The following TAB1 variants were observed in gnomAD, a reference collection of about 807,000 sequenced individuals.
TAB1 encodes TGF-beta activated kinase 1 (MAP3K7) binding protein 1.
Under a neutral mutation model 54.5 loss-of-function variants are expected in TAB1, and 30 were observed. The ratio of observed to expected loss-of-function variants is 0.55; its 90% CI spans 0.41 to 0.75. The LOEUF (loss-of-function observed/expected upper bound fraction) is 0.75, where lower values mean the gene tolerates loss of function less well. Ranked by LOEUF, TAB1 falls within the 30% of genes least tolerant of loss-of-function variation. The pLI, the probability that TAB1 is intolerant of heterozygous loss-of-function variation, is 0.00. For synonymous variants in TAB1, 289 were observed against 286.9 expected (o/e 1.01, Z -0.07); for missense variants, 609 against 683.2 (o/e 0.89, Z 1.21).
rs1023477773 is a variant in TAB1, at chr22:39,399,833, A to C, written c.31A>C (p.Ser11Arg). 4 of 1,597,168 alleles carry C rather than the reference A, an allele frequency of 2.5e-6. No homozygotes were observed. The highest frequency in any genetic ancestry group is 2.7e-5 in the African/African-American group (2 of 74,708). Residue 11 changes from serine to arginine, a missense_variant and splice_region_variant, in exon 1 of 11, where the codon AGT becomes CGT. Ser to Arg is a moderately radical substitution (Grantham distance 110). Transcript: ENST00000216160. Reference protein sequence around the residue: MAAQRRSLLQSEQQPSWTDDL... With the variant: MAAQRRSLLQREQQPSWTDDL... ...GGCGCAGAGGAGGAGCTTGCTGCAG[A>C]GTGTGAGGAACAGGCCCGCTCTCTG...
At chr22:39,425,090 C>G (rs1227387756) in intron 8 of TAB1, among the ~76,000 whole-genome samples, 1 of 151,850 alleles carries the variant, frequency 6.6e-6, no homozygotes. Context: ...ACATGAGATT[C>G]GGCTGGGCGT....
chr22:39,428,180 C>T lies in TAB1; in HGVS notation c.1304C>T (p.Thr435Ile), dbSNP rs1469203428. Residue 435 changes from threonine to isoleucine, a missense_variant, in exon 10 of 11, where the codon ACC becomes ATC. Transcript: ENST00000216160. The part of the protein sequence containing the change: ...STLDEATPTL[T>I]NQSPTLTLQS... ...CTGGACGAAGCCACCCCCACCCTCA[C>T]CAAGTAAGTCCCTTCCCCACTGAGC... The T allele has an allele frequency of 6.3e-7, 1 of 1,597,004 alleles. No individual in the cohort carries two copies. The highest frequency in any genetic ancestry group is 8.6e-7 in the Non-Finnish European group (1 of 1,168,282).
intron 8 of TAB1, among the ~76,000 whole-genome samples, chr22:39,423,541 G>A (rs1927186361): frequency 6.6e-6 from 1 of 152,162 alleles, no homozygotes; most frequent in South Asian, 2.1e-4. Flanking sequence ...GGAGGTGGAG[G>A]TTGCAGTGAG....
chr22:39,410,193 C>T (rs1296695405), intron 1 of TAB1, among the ~76,000 whole-genome samples: 1 of 152,152 alleles, frequency 6.6e-6, no homozygotes, highest in Non-Finnish European at 1.5e-5. Context: ...CTGCAACCTC[C>T]ACCTCCTGCA....
At chr22:39,406,556 A>G (rs978222393) in intron 1 of TAB1, among the ~76,000 whole-genome samples, 1 of 152,184 alleles carries the variant, frequency 6.6e-6, no homozygotes, top group Admixed American at 6.5e-5. Context: ...AGAAAGGGAC[A>G]GGCTTTGCCT....
chr22:39,407,571 C>T (rs755454655), intron 1 of TAB1, among the ~76,000 whole-genome samples: 8 of 151,850 alleles, frequency 5.3e-5, no homozygotes, highest in Non-Finnish European at 8.8e-5. Flanking sequence ...GCACGCTCTG[C>T]CTCCCGGGTT....
chr22:39,429,968 C>T, intron 10 of TAB1, 47 bp from the exon 11 acceptor site: 1 of 1,607,268 alleles, frequency 6.2e-7, no homozygotes, highest in Non-Finnish European at 8.5e-7. Flanking sequence ...CCCCAGGCCC[C>T]TTGACCCGGC....
intron 9 of TAB1, 109 bp downstream of exon 9, chr22:39,427,034 G>C (rs1410758503): frequency 3.0e-6 from 3 of 1,002,306 alleles, no homozygotes; most frequent in Non-Finnish European, 4.3e-6. Context: ...AGGAGGCCTG[G>C]CTCTGAGTGG....
chr22:39,403,866 G>A (rs181770594), intron 1 of TAB1, among the ~76,000 whole-genome samples: 1 of 151,774 alleles, frequency 6.6e-6, no homozygotes, highest in Non-Finnish European at 1.5e-5. Context: ...GGATGGTCTC[G>A]ATCTCCTGAC....
intron 1 of TAB1, among the ~76,000 whole-genome samples, chr22:39,410,862 A>G (rs1405182130): frequency 6.6e-6 from 1 of 152,372 alleles, no homozygotes; most frequent in African/African-American, 2.4e-5. Context: ...TAAAATTTAT[A>G]TGAAAAGGCA....
chr22:39,409,120 A>G (rs1926502968), intron 1 of TAB1, among the ~76,000 whole-genome samples: 1 of 152,198 alleles, frequency 6.6e-6, no homozygotes, highest in Non-Finnish European at 1.5e-5. Context: ...GCTTTAAAAC[A>G]CCTGTGGCAC....
At chr22:39,403,410 G>A (rs1428695019) in intron 1 of TAB1, among the ~76,000 whole-genome samples, 1 of 152,228 alleles carries the variant, frequency 6.6e-6, no homozygotes, top group East Asian at 1.9e-4. Flanking sequence ...GGGAGCAGGA[G>A]ATGCAAAGGC....
At chr22:39,406,702 G>A (rs947979084) in intron 1 of TAB1, among the ~76,000 whole-genome samples, 1 of 151,616 alleles carries the variant, frequency 6.6e-6, no homozygotes, top group Non-Finnish European at 1.5e-5. Flanking sequence ...GCGCCATCTC[G>A]GCTCACTGCA....
chr22:39,409,445 G>A (rs1926513866), intron 1 of TAB1, among the ~76,000 whole-genome samples: 1 of 152,188 alleles, frequency 6.6e-6, no homozygotes, highest in Non-Finnish European at 1.5e-5. Flanking sequence ...TGGCCCAGAG[G>A]CCTTGCACTG....
chr22:39,403,461 G>A (rs1926230224), intron 1 of TAB1, among the ~76,000 whole-genome samples: 2 of 152,198 alleles, frequency 1.3e-5, no homozygotes, highest in Non-Finnish European at 2.9e-5. Context: ...GCAGCTGGGT[G>A]GAGTGCCTTG....
downstream of TAB1, chr22:39,433,172 C>A: frequency 1.0e-6 from 1 of 985,446 alleles, no homozygotes; most frequent in Non-Finnish European, 1.2e-6. Flanking sequence ...TCAGTCTCGG[C>A]CGGGCGCGGT....
Position 39,421,991 on chromosome 22 carries a change from G to A in TAB1, c.921+20G>A, listed in dbSNP as rs772209991. 1.4e-5 allele frequency: 21 copies of A among 1,511,118 alleles called. No individual in the cohort carries two copies. Among genetic ancestry groups the A allele is most frequent in the Middle Eastern group, 3.6e-4 (2 of 5,566 alleles). The allele number at this position is 1,511,118 out of a possible 1,614,324, so 93.6% of individuals were successfully genotyped here. A position where few individuals can be genotyped will look rare whatever the true frequency, so the allele number is the denominator to read the frequency against. ...AACCAGGTGAGTTGGGCCCAGCCAC[G>A]CCCATGGCCGGAGAGCGTGGCTGGC... On this transcript the variant is annotated intron_variant, in intron 8 of 10. Transcript: ENST00000216160.
At position 39,420,818 on chromosome 22, in the gene TAB1, T is replaced by TG. The variant is rs1569199244; in HGVS notation, c.777-1009_777-1008insG. ...GTGTGTGTGTGTGTGTGTGTGTGTG[T>TG]TTGTCCTGGGGGCCAAGGAGCCTGC... On this transcript the variant is annotated intron_variant, in intron 7 of 10. Transcript: ENST00000216160. Among the ~76,000 whole-genome samples, 1,022 of 144,918 alleles carry TG rather than the reference T, an allele frequency of 7.1e-3. 87 individuals are homozygous for TG. The highest frequency in any genetic ancestry group is 0.015 in the South Asian group (69 of 4,464).
intron 7 of TAB1, among the ~76,000 whole-genome samples, chr22:39,420,965 A>G (rs1364877749): frequency 1.4e-5 from 2 of 142,846 alleles, no homozygotes; most frequent in East Asian, 4.1e-4. Flanking sequence ...CCTTTTCGGA[A>G]CACCCAGGTG....
Sources: gnomAD v4.1 joint callset for allele counts (sites outside exome capture counted in the v4.1 genomes callset) on GRCh38, gnomAD v4.1.1 for gene constraint, MANE v1.5 for transcripts, NCBI Gene and HGNC (gene_info 2026-07-23, HGNC 2026-07-21) for gene names.